IGF1R: variants seen among roughly 807,000 people sequenced by gnomAD.
IGF1R encodes the protein insulin like growth factor 1 receptor, also known as insulin-like growth factor 1 receptor.
In IGF1R, 44 loss-of-function variants were observed where a neutral mutation model predicts 144.6. The ratio of observed to expected loss-of-function variants is 0.30; its 90% CI spans 0.24 to 0.39. The LOEUF (loss-of-function observed/expected upper bound fraction) is 0.39, where lower values mean the gene tolerates loss of function less well. Ranked by LOEUF, IGF1R falls within the 10% of genes least tolerant of loss-of-function variation. The probability of loss-of-function intolerance (pLI) is 1.00; values close to 1 mark genes in which losing one functional copy is unlikely to be tolerated. For missense variants in IGF1R, 1,355 were observed against 1,833.7 expected, an observed-to-expected ratio of 0.74 and a Z score of 4.77; for synonymous variants, 795 against 722.8, an observed-to-expected ratio of 1.10 and a Z score of -1.60.
At chr15:98,803,314 G>C (rs1377057355) in intron 2 of IGF1R, among the ~76,000 whole-genome samples, 1 of 152,116 alleles carries the variant, frequency 6.6e-6, no homozygotes, top group Non-Finnish European at 1.5e-5. Context: ...TCTAAGCATA[G>C]ATAAGGTGCA....
intron 2 of IGF1R, among the ~76,000 whole-genome samples, chr15:98,824,580 T>G (rs1210730688): frequency 6.6e-6 from 1 of 152,252 alleles, no homozygotes; most frequent in Non-Finnish European, 1.5e-5. Context: ...TTCTTGCTGC[T>G]TTCCAGAGGC....
In IGF1R at chr15:98,704,505, G is replaced by A. The variant is rs942611643; in HGVS notation, c.95-3057G>A. Among the ~76,000 whole-genome samples the A allele has an allele frequency of 1.3e-5, 2 of 152,158 alleles. No homozygotes were observed. Among genetic ancestry groups the A allele is most frequent in the Non-Finnish European group, 2.9e-5 (2 of 68,024 alleles). On this transcript the variant is annotated intron_variant, in intron 1 of 20. Coordinates refer to ENST00000650285, the MANE Select transcript of IGF1R (RefSeq NM_000875.5). This position sits in a 1 kb window ranked among gnomAD's most constrained non-coding sequence, Gnocchi z 4.9. ...ACGGACCGTGAGGAGGCTGGATCAT[G>A]GGGAATGTGTTGCTTTAGGCCAAGC...
At chr15:98,876,760 C>G (rs751487752) in intron 2 of IGF1R, among the ~76,000 whole-genome samples, 2 of 151,996 alleles carry the variant, frequency 1.3e-5, no homozygotes, top group Non-Finnish European at 2.9e-5. Flanking sequence ...GGTACAGTTC[C>G]CCCAAAAAAC....
At position 98,964,203 on chromosome 15, in the gene IGF1R, T is replaced by G; in HGVS notation, c.*6761T>G. ...TAATGCATTTTCTGAGTTTTCTTGTTAAAAAAAAATTTTTTTAAGTAAGAA... is the reference window on the plus strand; with the variant it reads ...TAATGCATTTTCTGAGTTTTCTTGTGAAAAAAAAATTTTTTTAAGTAAGAA... On this transcript the variant is annotated 3_prime_UTR_variant, in exon 21 of 21. Transcript: ENST00000650285. The G allele has an allele frequency of 4.3e-6, 1 of 231,592 alleles. No homozygotes were observed. Among genetic ancestry groups the G allele is most frequent in the East Asian group, 6.1e-5 (1 of 16,304 alleles). 14.3% of individuals were successfully genotyped at this position (231,592 alleles called of 1,614,324 possible). A position where few individuals can be genotyped will look rare whatever the true frequency, so the allele number is the denominator to read the frequency against.
Position 98,707,041 on chromosome 15 carries a change from C to A in IGF1R, c.95-521C>A. Reference sequence around the variant, plus strand: ...TGGTAGTGGGAAGCATGGAAGCATGCGTTTTTTAGTCCCCACTTTACAAGT... The same window carrying A: ...TGGTAGTGGGAAGCATGGAAGCATGAGTTTTTTAGTCCCCACTTTACAAGT... On this transcript the variant is annotated intron_variant, in intron 1 of 20. Coordinates refer to ENST00000650285, the MANE Select transcript of IGF1R (RefSeq NM_000875.5). The surrounding 1 kb of genome is among the most constrained non-coding windows in gnomAD (Gnocchi z 6.7). 6.6e-6 allele frequency among the ~76,000 whole-genome samples: 1 copy of A among 152,162 alleles called. No homozygotes were observed. Among genetic ancestry groups the A allele is most frequent in the East Asian group, 1.9e-4 (1 of 5,198 alleles).
intron 1 of IGF1R, among the ~76,000 whole-genome samples, chr15:98,679,400 C>A (rs1375840406): frequency 1.3e-5 from 2 of 152,142 alleles, no homozygotes; most frequent in Non-Finnish European, 2.9e-5. Context: ...TGTCCCCATC[C>A]AAATCCAGAA....
chr15:98,818,050 A>T (rs762599696), intron 2 of IGF1R, among the ~76,000 whole-genome samples: 4 of 152,202 alleles, frequency 2.6e-5, no homozygotes, highest in Non-Finnish European at 5.9e-5. Flanking sequence ...GGTGGGAGAG[A>T]GCAAGCTGTG....
At chr15:98,837,279 G>A (rs980387124) in intron 2 of IGF1R, among the ~76,000 whole-genome samples, 11 of 152,028 alleles carry the variant, frequency 7.2e-5, no homozygotes, top group African/African-American at 2.4e-4. Flanking sequence ...TCGCTCAGTC[G>A]CCAGACTGGA....
intron 2 of IGF1R, among the ~76,000 whole-genome samples, chr15:98,759,761 A>G (rs1345891715): frequency 1.3e-5 from 2 of 152,216 alleles, no homozygotes; most frequent in African/African-American, 2.4e-5. Context: ...TAAGATATCT[A>G]TGTGTATCAG....
At chr15:98,863,649 A>G (rs572382872) in intron 2 of IGF1R, among the ~76,000 whole-genome samples, 44 of 152,366 alleles carry the variant, frequency 2.9e-4, no homozygotes, top group African/African-American at 1.0e-3. Flanking sequence ...AATATGCAGA[A>G]GCTTAAGAAA....
chr15:98,853,271 G>C (rs1195151802), intron 2 of IGF1R, among the ~76,000 whole-genome samples: 2 of 152,206 alleles, frequency 1.3e-5, no homozygotes, highest in African/African-American at 4.8e-5. Context: ...CCTGTGATCT[G>C]AATCAGGTTT....
At chr15:98,824,567 A>G (rs1268841433) in intron 2 of IGF1R, among the ~76,000 whole-genome samples, 1 of 152,158 alleles carries the variant, frequency 6.6e-6, no homozygotes, top group Non-Finnish European at 1.5e-5. Flanking sequence ...ACCTTGGCTT[A>G]TCTTCTTGCT....
chr15:98,830,764 C>G (rs974672658), intron 2 of IGF1R, among the ~76,000 whole-genome samples: 1 of 152,110 alleles, frequency 6.6e-6, no homozygotes, highest in Non-Finnish European at 1.5e-5. Flanking sequence ...CCACCACACC[C>G]AGCTAATTTT....
Position 98,734,643 on chromosome 15 carries a change from T to C in IGF1R, c.640+26536T>C, listed in dbSNP as rs569017880. On this transcript the variant is annotated intron_variant, in intron 2 of 20. Coordinates refer to ENST00000650285, the MANE Select transcript of IGF1R (RefSeq NM_000875.5). ...TAAGTAAGTGTGTGTTTTGGACTAA[T>C]TGGTGACTACCATTCTGAACATTAA... 5 of 152,354 alleles carry C rather than the reference T, an allele frequency of 3.3e-5. No homozygotes were observed. The South Asian group carries it at 8.3e-4, about 25-fold the overall frequency. 9.4% of individuals were successfully genotyped at this position (152,354 alleles called of 1,614,324 possible).
chr15:98,750,183 C>T (rs2054974317), intron 2 of IGF1R, among the ~76,000 whole-genome samples: 1 of 151,948 alleles, frequency 6.6e-6, no homozygotes, highest in South Asian at 2.1e-4. Flanking sequence ...GCAGGCAGGA[C>T]TGAAAGAGCT....
At chr15:98,913,374 G>A (rs1008605317) in intron 8 of IGF1R, 92 bp downstream of exon 8, 7 of 956,746 alleles carry the variant, frequency 7.3e-6, no homozygotes, top group Admixed American at 1.7e-5. Flanking sequence ...GGTTAGCAGT[G>A]AGCTATGCCT....
At position 98,847,893 on chromosome 15, in the gene IGF1R, C is replaced by T. The variant is rs1234889978; in HGVS notation, c.641-43432C>T. Among the ~76,000 whole-genome samples the T allele has an allele frequency of 2.6e-5, 4 of 152,152 alleles. No homozygotes were observed. In the East Asian group the frequency reaches 7.7e-4, roughly 29 times the overall value. ...ATGATGGGTGTGGGGAGCGGTTTGA[C>T]CAGGACTCTGATAGGACAGACACTC... is the stretch of plus-strand genomic sequence containing the variant. On this transcript the variant is annotated intron_variant, in intron 2 of 20. Coordinates refer to ENST00000650285, the MANE Select transcript of IGF1R (RefSeq NM_000875.5).
intron 10 of IGF1R, among the ~76,000 whole-genome samples, chr15:98,918,774 G>T (rs1596449087): frequency 6.6e-6 from 1 of 152,170 alleles, no homozygotes; most frequent in East Asian, 1.9e-4. Flanking sequence ...AGCTACTTGG[G>T]AAGCTGAGGC....
intron 6 of IGF1R, 145 bp downstream of exon 6, chr15:98,909,044 C>T: frequency 1.4e-6 from 1 of 736,158 alleles, no homozygotes; most frequent in South Asian, 1.5e-5. Context: ...GCACTTTGCT[C>T]CTACTTATAT....
Sources: allele counts gnomAD v4.1 joint callset (sites outside exome capture counted in the v4.1 genomes callset), GRCh38; gene constraint gnomAD v4.1.1; non-coding constraint Gnocchi (gnomAD v3.1); transcripts MANE v1.5; gene names NCBI Gene and HGNC (gene_info 2026-07-23, HGNC 2026-07-21).